RORA: variants seen among roughly 807,000 people sequenced by gnomAD.
RORA encodes RAR related orphan receptor A, also known as nuclear receptor ROR-alpha.
Under a neutral mutation model 69.5 loss-of-function variants are expected in RORA, and 7 were observed. The ratio of observed to expected loss-of-function variants is 0.10; its 90% CI spans 0.06 to 0.19. The LOEUF (loss-of-function observed/expected upper bound fraction) is 0.19. RORA is among the 10% of genes least tolerant of loss of function. RORA has a pLI of 1.00. For missense variants in RORA, 457 were observed against 663.0 expected (o/e 0.69, Z 3.41); for synonymous variants, 261 against 240.8 (o/e 1.08, Z -0.78).
At chr15:60,891,116 C>T (rs1055196857) in intron 1 of RORA, among the ~76,000 whole-genome samples, 2 of 152,206 alleles carry the variant, frequency 1.3e-5, no homozygotes, top group Non-Finnish European at 2.9e-5. Context: ...GCTGCCTGCC[C>T]ATTAGAGCCT....
chr15:61,073,653 G>A (rs896090280), intron 1 of RORA, among the ~76,000 whole-genome samples: 2 of 152,144 alleles, frequency 1.3e-5, no homozygotes, highest in Non-Finnish European at 1.5e-5. Context: ...TCACGTACCC[G>A]ACTTAAAGTA....
At chr15:60,746,839 A>G (rs530035486) in intron 1 of RORA, among the ~76,000 whole-genome samples, 23 of 152,344 alleles carry the variant, frequency 1.5e-4, no homozygotes, top group African/African-American at 4.1e-4. Context: ...TATTATTTCA[A>G]CTTCATGCTG....
At chr15:60,624,582 T>TAC (rs371432840) in intron 2 of RORA, among the ~76,000 whole-genome samples, 76 of 148,096 alleles carry the variant, frequency 5.1e-4, no homozygotes, top group African/African-American at 1.8e-3. Context: ...ATATTATATA[T>TAC]ACACACACAC....
intron 2 of RORA, among the ~76,000 whole-genome samples, chr15:60,641,535 G>C (rs567119435): frequency 6.6e-6 from 1 of 151,904 alleles, no homozygotes; most frequent in Non-Finnish European, 1.5e-5. Context: ...TCAGCCTCTC[G>C]AGTAGCTGGG....
intron 5 of RORA, among the ~76,000 whole-genome samples, chr15:60,506,526 A>G (rs1028643804): frequency 2.2e-4 from 33 of 152,152 alleles, no homozygotes; most frequent in African/African-American, 8.0e-4. Flanking sequence ...TTACAGAAGA[A>G]GAGAAAGAAA....
chr15:61,083,563 C>T (rs928329091), intron 1 of RORA, among the ~76,000 whole-genome samples: 1 of 151,940 alleles, frequency 6.6e-6, no homozygotes, highest in African/African-American at 2.4e-5. Context: ...TAAACAGACC[C>T]AAATAACCCC....
At chr15:60,779,950 T>C (rs554106455) in intron 1 of RORA, among the ~76,000 whole-genome samples, 1 of 152,276 alleles carries the variant, frequency 6.6e-6, no homozygotes, top group East Asian at 1.9e-4. Context: ...ATTTCCTCAT[T>C]TGGATATGTG....
chr15:60,655,752 C>T (rs567636834), intron 2 of RORA, among the ~76,000 whole-genome samples: 7 of 152,130 alleles, frequency 4.6e-5, no homozygotes, highest in Non-Finnish European at 1.0e-4. Flanking sequence ...ACCTTTCAAC[C>T]TCAGACACAG....
At chr15:60,915,488 C>T (rs891275906) in intron 1 of RORA, among the ~76,000 whole-genome samples, 15 of 152,214 alleles carry the variant, frequency 9.9e-5, no homozygotes, top group East Asian at 1.9e-4. Context: ...ACATGATTTG[C>T]CAGATTGTTT....
chr15:60,636,943 CAT>C (rs1293946017), intron 2 of RORA, among the ~76,000 whole-genome samples: 3 of 152,020 alleles, frequency 2.0e-5, no homozygotes, highest in African/African-American at 4.8e-5. Flanking sequence ...AATTTGCCAT[CAT>C]ATGACTATAT....
chr15:60,808,860 T>C (rs1414803944), intron 1 of RORA, among the ~76,000 whole-genome samples: 1 of 151,974 alleles, frequency 6.6e-6, no homozygotes, highest in African/African-American at 2.4e-5. Flanking sequence ...TGGAAGGAAT[T>C]GGTATTTGCA....
chr15:60,620,801 C>T (rs1178090700), intron 2 of RORA, among the ~76,000 whole-genome samples: 3 of 152,234 alleles, frequency 2.0e-5, no homozygotes, highest in East Asian at 1.9e-4. Context: ...GCACAGTTGC[C>T]GGGCACCCTG....
chr15:60,846,091 T>G (rs2073261817), intron 1 of RORA, among the ~76,000 whole-genome samples: 1 of 152,188 alleles, frequency 6.6e-6, no homozygotes, highest in South Asian at 2.1e-4. Flanking sequence ...CTTCAGACCC[T>G]CTTAATCTTG....
chr15:60,542,635 TCA>T (rs983216735), intron 2 of RORA, among the ~76,000 whole-genome samples: 9 of 72,466 alleles, frequency 1.2e-4, no homozygotes, highest in South Asian at 1.2e-3. Context: ...CATGCACACC[TCA>T]CACACGACAC....
At chr15:60,660,071 A>T (rs1042514280) in intron 2 of RORA, among the ~76,000 whole-genome samples, 8 of 151,890 alleles carry the variant, frequency 5.3e-5, no homozygotes, top group East Asian at 3.8e-4. Flanking sequence ...TCATCTAAAA[A>T]TTTTTTTTTC....
intron 1 of RORA, among the ~76,000 whole-genome samples, chr15:60,917,059 C>A (rs1446549869): frequency 1.3e-5 from 2 of 152,148 alleles, no homozygotes; most frequent in Admixed American, 6.5e-5. Flanking sequence ...GAGCCCAAAA[C>A]CCTCAACAGA....
chr15:60,844,480 G>A (rs1479650792), intron 1 of RORA, among the ~76,000 whole-genome samples: 1 of 152,120 alleles, frequency 6.6e-6, no homozygotes, highest in East Asian at 1.9e-4. Context: ...ATTCTGAATG[G>A]TAAAGTGTCA....
intron 1 of RORA, among the ~76,000 whole-genome samples, chr15:60,970,966 G>A (rs536194821): frequency 6.6e-6 from 1 of 152,270 alleles, no homozygotes; most frequent in East Asian, 1.9e-4. Context: ...TTATAGCAGG[G>A]GTTCAACTGA....
chr15:60,499,781 C>A (rs987724044), intron 10 of RORA, 111 bp downstream of exon 10: 4 of 616,506 alleles, frequency 6.5e-6, no homozygotes, highest in African/African-American at 1.9e-5. Context: ...TAGCCTGTTG[C>A]CTTCTGATAC....
Sources: allele counts gnomAD v4.1 joint callset (sites outside exome capture counted in the v4.1 genomes callset), GRCh38; gene constraint gnomAD v4.1.1; transcripts MANE v1.5; gene names NCBI Gene and HGNC (gene_info 2026-07-23, HGNC 2026-07-21).